The following TOX variants were observed in gnomAD, a reference collection of about 807,000 sequenced individuals.
The protein encoded by TOX is thymocyte selection associated high mobility group box, also known as thymocyte selection-associated high mobility group box protein TOX.
Under a neutral mutation model 53.7 loss-of-function variants are expected in TOX, and 11 were observed. That is an observed-to-expected ratio of 0.20 (90% CI 0.13 to 0.34). The LOEUF is 0.34. Ranked by LOEUF, TOX falls within the 10% of genes least tolerant of loss-of-function variation. The pLI is 1.00. For missense variants in TOX, 570 were observed against 664.6 expected, an observed-to-expected ratio of 0.86 and a Z score of 1.56; for synonymous variants, 225 against 245.3, an observed-to-expected ratio of 0.92 and a Z score of 0.77.
chr8:58,824,988 T>C (rs1810342705), intron 6 of TOX, among the ~76,000 whole-genome samples: 4 of 152,206 alleles, frequency 2.6e-5, no homozygotes, highest in Admixed American at 2.6e-4. Flanking sequence ...AGGGAAATAA[T>C]TTATAACATA....
rs1809957179 is a variant in TOX at position 58,805,412 on chromosome 8, T to C, written c.*2335A>G. The C allele has an allele frequency of 6.6e-6, 1 of 152,236 alleles. No individual in the cohort carries two copies. Among genetic ancestry groups the C allele is most frequent in the Admixed American group, 6.5e-5 (1 of 15,276 alleles). The allele number at this position is 152,236 out of a possible 1,614,324, so 9.4% of individuals were successfully genotyped here. A position where few individuals can be genotyped will look rare whatever the true frequency, so the allele number is the denominator to read the frequency against. ...GAGACTGATGGATCACCAAATAGAA[T>C]ACGGTCACGCATAATAACAGTTTTA... On this transcript the variant is annotated 3_prime_UTR_variant, in exon 9 of 9. Coordinates refer to ENST00000361421, the MANE Select transcript of TOX (RefSeq NM_014729.3).
intron 1 of TOX, among the ~76,000 whole-genome samples, chr8:58,985,575 C>T (rs1813313104): frequency 6.6e-6 from 1 of 152,098 alleles, no homozygotes; most frequent in Admixed American, 6.5e-5. Flanking sequence ...ATTGGTTACA[C>T]AACAGTGTGA....
At chr8:58,935,468 G>C (rs1396742625) in intron 3 of TOX, among the ~76,000 whole-genome samples, 2 of 152,074 alleles carry the variant, frequency 1.3e-5, no homozygotes, top group African/African-American at 4.8e-5. Context: ...AATTTTCCCA[G>C]GATGGCTTCT....
intron 3 of TOX, among the ~76,000 whole-genome samples, chr8:58,877,178 G>A (rs1316051432): frequency 1.3e-5 from 2 of 152,100 alleles, no homozygotes; most frequent in African/African-American, 4.8e-5. Flanking sequence ...TTTTCATTAC[G>A]AAAAGATTTT....
rs558872878 is a variant in TOX at position 58,963,689 on chromosome 8, C to T, written c.103-3681G>A. 1.2e-4 allele frequency among the ~76,000 whole-genome samples: 19 copies of T among 152,208 alleles called. 1 individual carries two copies. In the South Asian group the frequency reaches 2.7e-3, roughly 22 times the overall value. On this transcript the variant is annotated intron_variant, in intron 1 of 8. Coordinates refer to ENST00000361421, the MANE Select transcript of TOX (RefSeq NM_014729.3). Reference sequence around the variant, plus strand: ...CACTTGTCGCAGTGTTTTGTAGACTCCTCACCTCTCCTTAGTGAGGGCTGG... The same window carrying T: ...CACTTGTCGCAGTGTTTTGTAGACTTCTCACCTCTCCTTAGTGAGGGCTGG...
chr8:59,040,823 C>A (rs568181948), intron 1 of TOX, among the ~76,000 whole-genome samples: 1 of 152,306 alleles, frequency 6.6e-6, no homozygotes, highest in Admixed American at 6.5e-5. Flanking sequence ...GGGATGGCCC[C>A]GCCTCTCTGA....
intron 1 of TOX, among the ~76,000 whole-genome samples, chr8:58,989,580 C>A (rs1813403356): frequency 6.6e-6 from 1 of 152,058 alleles, no homozygotes; most frequent in East Asian, 1.9e-4. Context: ...ATTGTTTTTC[C>A]TTTACTGTTA....
chr8:58,954,066 C>T (rs1424293304), intron 2 of TOX, among the ~76,000 whole-genome samples: 1 of 152,124 alleles, frequency 6.6e-6, no homozygotes, highest in Admixed American at 6.5e-5. Context: ...GAGCACACTA[C>T]TGTTTCCAAT....
intron 1 of TOX, among the ~76,000 whole-genome samples, chr8:59,026,901 GAAAA>G (rs58806202): frequency 7.3e-6 from 1 of 136,144 alleles, no homozygotes; most frequent in African/African-American, 2.7e-5. Context: ...AGAGAGAAAG[GAAAA>G]AAAAAAAAAA....
intron 1 of TOX, among the ~76,000 whole-genome samples, chr8:58,999,724 A>G (rs556088953): frequency 1.3e-5 from 2 of 152,234 alleles, no homozygotes; most frequent in South Asian, 4.1e-4. Flanking sequence ...GGCGATCTCT[A>G]TTTTTTAGGA....
intron 5 of TOX, among the ~76,000 whole-genome samples, chr8:58,831,491 C>T (rs1005769108): frequency 3.9e-5 from 6 of 152,108 alleles, no homozygotes; most frequent in Non-Finnish European, 5.9e-5. Flanking sequence ...ATGGGATAAT[C>T]CCCGTTTTGC....
intron 1 of TOX, among the ~76,000 whole-genome samples, chr8:58,969,529 T>C (rs1287812242): frequency 6.6e-6 from 1 of 152,230 alleles, no homozygotes; most frequent in Non-Finnish European, 1.5e-5. Context: ...CATGATCTCA[T>C]GTAACTTTCC....
rs182871622 is a variant in TOX, at chr8:59,086,237, G to A, written c.102+32649C>T. On this transcript the variant is annotated intron_variant, in intron 1 of 8. Coordinates refer to ENST00000361421, the MANE Select transcript of TOX (RefSeq NM_014729.3). Reference sequence around the variant, plus strand: ...AGACCTCAAGTGATCCACCTACCTCGGCCTCCCAAAGGGCTGGGATTACAG... The same window carrying A: ...AGACCTCAAGTGATCCACCTACCTCAGCCTCCCAAAGGGCTGGGATTACAG... 2.1e-4 allele frequency among the ~76,000 whole-genome samples: 32 copies of A among 151,942 alleles called. No individual in the cohort carries two copies. The East Asian group carries it at 4.6e-3, about 22-fold the overall frequency.
chr8:58,914,578 G>C (rs1811969168), intron 3 of TOX, among the ~76,000 whole-genome samples: 1 of 152,132 alleles, frequency 6.6e-6, no homozygotes, highest in African/African-American at 2.4e-5. Context: ...GCATCTAATG[G>C]GGAGAGGCCA....
chr8:58,813,098 C>A (rs1332860602), intron 7 of TOX, among the ~76,000 whole-genome samples: 2 of 152,152 alleles, frequency 1.3e-5, no homozygotes, highest in Non-Finnish European at 2.9e-5. Context: ...ACAGAACTGA[C>A]TTAAAGGATG....
intron 2 of TOX, among the ~76,000 whole-genome samples, chr8:58,946,250 A>G (rs1465521507): frequency 6.6e-6 from 1 of 152,198 alleles, no homozygotes; most frequent in Non-Finnish European, 1.5e-5. Context: ...AAGGGAAAGC[A>G]AATTAAACTG....
intron 1 of TOX, among the ~76,000 whole-genome samples, chr8:59,100,042 T>TC (rs979608897): frequency 3.4e-4 from 52 of 151,610 alleles, no homozygotes; most frequent in South Asian, 1.0e-3. Flanking sequence ...TTTTTTTTTT[T>TC]CCCATAAAAT....
chr8:58,975,841 A>C (rs903722479), intron 1 of TOX, among the ~76,000 whole-genome samples: 2 of 152,128 alleles, frequency 1.3e-5, no homozygotes, highest in Non-Finnish European at 1.5e-5. Flanking sequence ...TGGGTGGCCG[A>C]GGCGGGTGGA....
intron 6 of TOX, among the ~76,000 whole-genome samples, chr8:58,824,549 G>C (rs1035764726): frequency 6.6e-6 from 1 of 152,108 alleles, no homozygotes; most frequent in African/African-American, 2.4e-5. Context: ...GCACTGCCTG[G>C]CCAGCTCTTT....
Sources: allele counts gnomAD v4.1 joint callset (sites outside exome capture counted in the v4.1 genomes callset), GRCh38; gene constraint gnomAD v4.1.1; transcripts MANE v1.5; gene names NCBI Gene and HGNC (gene_info 2026-07-23, HGNC 2026-07-21).